Variants in ABCB4 observed in about 807,000 individuals in gnomAD.
ABCB4 encodes phosphatidylcholine translocator ABCB4.
Under a neutral mutation model 145.7 loss-of-function variants are expected in ABCB4, and 76 were observed. The ratio of observed to expected loss-of-function variants is 0.52; its 90% CI spans 0.43 to 0.63. The LOEUF is 0.63. Among genes scored for constraint, ABCB4 ranks in the 30% least tolerant of loss-of-function variants. ABCB4 has a pLI of 0.00. For missense variants in ABCB4, 1,234 were observed against 1,553.1 expected, an observed-to-expected ratio of 0.79 and a Z score of 3.45; for synonymous variants, 517 against 566.8, an observed-to-expected ratio of 0.91 and a Z score of 1.25.
chr7:87,435,198 T>C (rs562993231), intron 14 of ABCB4, among the ~76,000 whole-genome samples: 2 of 152,324 alleles, frequency 1.3e-5, no homozygotes, highest in African/African-American at 2.4e-5. Context: ...TTTGGGGACA[T>C]AGTAATAAAG....
At chr7:87,400,330 T>G (rs148213678), downstream of ABCB4, among the ~76,000 whole-genome samples, 7 of 152,346 alleles carry the variant, frequency 4.6e-5, no homozygotes, top group East Asian at 1.3e-3. Flanking sequence ...ATGTAAAGAT[T>G]ACATCATACT....
At chr7:87,409,847 GT>G (rs1177276951) in intron 23 of ABCB4, among the ~76,000 whole-genome samples, 7 of 152,216 alleles carry the variant, frequency 4.6e-5, no homozygotes, top group Middle Eastern at 3.4e-3. Context: ...CCAGTTTGTG[GT>G]TTCTTCTGTA....
chr7:87,407,184 G>T (rs1027781368), intron 25 of ABCB4, among the ~76,000 whole-genome samples: 2 of 152,130 alleles, frequency 1.3e-5, no homozygotes, highest in Non-Finnish European at 2.9e-5. Flanking sequence ...GTAAGGTAAA[G>T]CTTACAGGCA....
intron 17 of ABCB4, among the ~76,000 whole-genome samples, chr7:87,423,387 C>T (rs1474155052): frequency 6.6e-6 from 1 of 152,196 alleles, no homozygotes; most frequent in Non-Finnish European, 1.5e-5. Context: ...AAGGCACACA[C>T]TCTTAAATGC....
the ABCB4 span, among the ~76,000 whole-genome samples, chr7:87,383,939 G>T: frequency 1.3e-5 from 2 of 152,082 alleles, no homozygotes; most frequent in Admixed American, 6.6e-5. Context: ...ATACCTAGCA[G>T]TGGGATCATC....
In ABCB4 at chr7:87,439,818, C is replaced by G. The variant is rs763142381; in HGVS notation, c.1580G>C (p.Gly527Ala). 1 of 1,614,160 alleles carries G rather than the reference C, an allele frequency of 6.2e-7. No individual in the cohort carries two copies. Among genetic ancestry groups the G allele is most frequent in the Non-Finnish European group, 8.5e-7 (1 of 1,180,030 alleles). ...ACCACTCAGCTGGGCCCCTCTCTCT[C>G]CAACCAGGGTGTCAAATTTCTAACA... ...KLPQKFDTLVGERGAQLSGGQ... is the reference protein window; with the variant it reads ...KLPQKFDTLVAERGAQLSGGQ... Residue 527 changes from glycine to alanine, a missense_variant, in exon 14 of 28, where the codon GGA becomes GCA. Transcript: ENST00000649586.
At position 87,452,994 on chromosome 7, in the gene ABCB4, T is replaced by A. The variant is rs770814303; in HGVS notation, c.486A>T (p.Ile162=). The A allele has an allele frequency of 1.2e-6, 2 of 1,614,172 alleles. No individual in the cohort carries two copies. Among genetic ancestry groups the A allele is most frequent in the Non-Finnish European group, 1.7e-6 (2 of 1,180,026 alleles). ...TGGTGTCGTTGATGTCAAACCATCC[T>A]ATTTCCTGTCGTAGAATAGCATGAA... ...KFFHAILRQE[I]GWFDINDTTE... Residue 162 remains isoleucine, a synonymous_variant, in exon 6 of 28, where the codon ATA becomes ATT. Transcript: ENST00000649586.
At chr7:87,417,141 T>A (rs1163617082) in intron 21 of ABCB4, among the ~76,000 whole-genome samples, 171 bp downstream of exon 21, 3 of 152,226 alleles carry the variant, frequency 2.0e-5, no homozygotes, top group Admixed American at 6.5e-5. Context: ...CACCTTATAT[T>A]TAAGTTCTAG....
At chr7:87,378,595 C>T in the ABCB4 span, among the ~76,000 whole-genome samples, 567 of 152,286 alleles carry the variant, frequency 3.7e-3, 3 homozygotes, top group African/African-American at 0.013. Context: ...TACCAACAGT[C>T]TCATATCTTC....
chr7:87,391,807 C>T, the ABCB4 span: 2 of 1,247,946 alleles, frequency 1.6e-6, no homozygotes, highest in Non-Finnish European at 2.2e-6. Flanking sequence ...CTTCAGTTTT[C>T]CTGGATCATT....
At chr7:87,406,206 C>T (rs1054039889) in intron 26 of ABCB4, 82 bp downstream of exon 26, 1 of 1,406,890 alleles carries the variant, frequency 7.1e-7, no homozygotes, top group Admixed American at 1.7e-5. Context: ...TATTTTGTTA[C>T]AAGATTTTGT....
intron 3 of ABCB4, among the ~76,000 whole-genome samples, chr7:87,471,018 C>A (rs1813350628): frequency 6.6e-6 from 1 of 152,122 alleles, no homozygotes; most frequent in Non-Finnish European, 1.5e-5. Context: ...CACATATACA[C>A]CATGGAATAC....
chr7:87,474,918 A>T (rs958704692), intron 2 of ABCB4, among the ~76,000 whole-genome samples: 4 of 152,152 alleles, frequency 2.6e-5, no homozygotes, highest in Admixed American at 6.5e-5. Context: ...GGGTAAGACA[A>T]GGAGGAAGAG....
intron 16 of ABCB4, 141 bp downstream of exon 16, chr7:87,426,609 T>C (rs1358990603): frequency 3.8e-6 from 3 of 795,896 alleles, no homozygotes; most frequent in South Asian, 1.8e-5. Flanking sequence ...CATTTAAAAT[T>C]TGAAAATTTT....
intron 3 of ABCB4, among the ~76,000 whole-genome samples, chr7:87,469,777 A>T (rs1813227879): frequency 6.6e-6 from 1 of 152,252 alleles, no homozygotes; most frequent in Non-Finnish European, 1.5e-5. Flanking sequence ...CAATATCGTG[A>T]AAATGGCCAT....
At chr7:87,377,328 G>A in the ABCB4 span, 13 of 1,491,728 alleles carry the variant, frequency 8.7e-6, no homozygotes, top group Non-Finnish European at 1.1e-5. Flanking sequence ...TTTTAATTTG[G>A]AAAAATTAAA....
chr7:87,425,174 CT>C (rs1178744455), intron 16 of ABCB4, among the ~76,000 whole-genome samples: 3 of 152,206 alleles, frequency 2.0e-5, no homozygotes, highest in African/African-American at 7.2e-5. Flanking sequence ...TCTCCCTCTC[CT>C]TTGGCATGTT....
the ABCB4 span, chr7:87,382,664 T>C: frequency 1.1e-6 from 1 of 950,570 alleles, no homozygotes; most frequent in Admixed American, 2.6e-5. Context: ...TGGTACTGTG[T>C]CCTATTTGTA....
intron 16 of ABCB4, 70 bp downstream of exon 16, chr7:87,426,680 G>C: frequency 3.3e-6 from 5 of 1,503,488 alleles, no homozygotes; most frequent in Non-Finnish European, 4.6e-6. Context: ...ATATTTGCAA[G>C]GCTAAGAATT....
Sources: allele counts gnomAD v4.1 joint callset (sites outside exome capture counted in the v4.1 genomes callset), GRCh38; gene constraint gnomAD v4.1.1; transcripts MANE v1.5; gene names NCBI Gene and HGNC (gene_info 2026-07-23, HGNC 2026-07-21).